The following MYT1 variants were observed in gnomAD, a reference collection of about 807,000 sequenced individuals.
The protein encoded by MYT1 is myelin transcription factor 1.
A neutral mutation model predicts 123.0 loss-of-function variants in MYT1; 23 were observed. The ratio of observed to expected loss-of-function variants is 0.19; its 90% CI spans 0.13 to 0.26. The LOEUF (loss-of-function observed/expected upper bound fraction) is 0.26. Among genes scored for constraint, MYT1 ranks in the 10% least tolerant of loss-of-function variants. MYT1 has a pLI of 1.00. For missense variants in MYT1, 1,125 were observed against 1,472.5 expected, an observed-to-expected ratio of 0.76 and a Z score of 3.86; for synonymous variants, 518 against 575.3, an observed-to-expected ratio of 0.90 and a Z score of 1.43.
At position 64,205,590 on chromosome 20, in the gene MYT1, G is replaced by C. The variant is rs1325615477; in HGVS notation, c.187G>C (p.Glu63Gln). ...CCCCCTGGCCAAGAAGAGGAAGCTG[G>C]AGGGCGCTGAGGCTGAGCACCTGGT... ...SCPLAKKRKL[E>Q]GAEAEHLVSK... The change falls in exon 6 of 23, where the codon GAG (glutamate) becomes CAG (glutamine). Residue 63 changes from glutamate to glutamine, a missense_variant. By Grantham distance (29) the Glu-to-Gln change is conservative (BLOSUM62 2). Coordinates refer to ENST00000328439, the MANE Select transcript of MYT1 (RefSeq NM_004535.3). 8.1e-6 allele frequency: 13 copies of C among 1,614,058 alleles called. No homozygotes were observed. The highest frequency in any genetic ancestry group is 1.1e-5 in the Non-Finnish European group (13 of 1,180,052).
rs1357276335 is a variant in MYT1, at chr20:64,193,434, C to T, written c.-1+3274C>T. ...AAATGCTTGAATGCTGCTCTTAGAT[C>T]GTTGAGTGGGAGCTTGGATCTTCCA... is the stretch of plus-strand genomic sequence containing the variant. On this transcript the variant is annotated intron_variant, in intron 2 of 22. Transcript: ENST00000328439. The surrounding 1 kb of genome is among the most constrained non-coding windows in gnomAD (Gnocchi z 4.0). Among the ~76,000 whole-genome samples, 3 of 152,152 alleles carry T rather than the reference C, an allele frequency of 2.0e-5. No individual in the cohort carries two copies. The highest frequency in any genetic ancestry group is 7.2e-5 in the African/African-American group (3 of 41,426).
chr20:64,217,339 AT>A, intron 11 of MYT1, 58 bp downstream of exon 11: 1 of 1,578,716 alleles, frequency 6.3e-7, no homozygotes, highest in Middle Eastern at 1.7e-4. Context: ...GAGGGGCAGG[AT>A]TCAAGGGGCA....
At chr20:64,223,875 T>TC (rs1177515999) in intron 16 of MYT1, among the ~76,000 whole-genome samples, 1 of 152,066 alleles carries the variant, frequency 6.6e-6, no homozygotes, top group African/African-American at 2.4e-5. Context: ...CCTGATGCCC[T>TC]CCCCCCATGC....
At chr20:64,181,475 G>C (rs1982650200) in intron 1 of MYT1, among the ~76,000 whole-genome samples, 1 of 151,948 alleles carries the variant, frequency 6.6e-6, no homozygotes, top group South Asian at 2.1e-4. Flanking sequence ...TTTTCATTTT[G>C]GTTTTACAAT....
In MYT1 at chr20:64,192,115, G is replaced by C. The variant is rs1982987433; in HGVS notation, c.-1+1955G>C. 6.6e-6 allele frequency among the ~76,000 whole-genome samples: 1 copy of C among 152,170 alleles called. No homozygotes were observed. The highest frequency in any genetic ancestry group is 2.4e-5 in the African/African-American group (1 of 41,444). ...ACTCAGAGAGTTTGGGACCTACCAT[G>C]ACAACCCATGGCTGTTCAAAGTGCT... On this transcript the variant is annotated intron_variant, in intron 2 of 22. Coordinates refer to ENST00000328439, the MANE Select transcript of MYT1 (RefSeq NM_004535.3). The surrounding 1 kb of genome is among the most constrained non-coding windows in gnomAD (Gnocchi z 5.3).
chr20:64,238,013 G>A (rs949667558), intron 21 of MYT1, among the ~76,000 whole-genome samples: 1 of 152,106 alleles, frequency 6.6e-6, no homozygotes. Flanking sequence ...AGTAAGTGCC[G>A]TCGATGAGAG....
Position 64,231,809 on chromosome 20 carries a change from C to T in MYT1, c.2676-355C>T, listed in dbSNP as rs1204009768. Among the ~76,000 whole-genome samples the T allele has an allele frequency of 7.2e-5, 11 of 152,200 alleles. No homozygotes were observed. Among genetic ancestry groups the T allele is most frequent in the Non-Finnish European group, 1.6e-4 (11 of 68,034 alleles). The stretch of plus-strand genomic sequence containing the variant: ...CAGCTGACAACATGGCTCCACATTG[C>T]TGAGTGACACACAAGTGACTCCAGC... On this transcript the variant is annotated intron_variant, in intron 18 of 22. Coordinates refer to ENST00000328439, the MANE Select transcript of MYT1 (RefSeq NM_004535.3). The surrounding 1 kb of genome is among the most constrained non-coding windows in gnomAD (Gnocchi z 6.4).
At chr20:64,172,206 C>T (rs1982305051) in intron 1 of MYT1, among the ~76,000 whole-genome samples, 1 of 152,138 alleles carries the variant, frequency 6.6e-6, no homozygotes, top group Non-Finnish European at 1.5e-5. Context: ...GCCTGTAGAG[C>T]AGCAGAGGGG....
chr20:64,214,401 A>C (rs928631129), intron 10 of MYT1, among the ~76,000 whole-genome samples: 1 of 152,210 alleles, frequency 6.6e-6, no homozygotes, highest in Admixed American at 6.5e-5. Context: ...GTGTGTGTGC[A>C]TGTGTAAATT....
At chr20:64,214,921 C>T (rs7271806) in intron 10 of MYT1, among the ~76,000 whole-genome samples, 36,260 of 152,212 alleles carry the variant, frequency 0.24, 4,505 homozygotes, top group African/African-American at 0.29. Context: ...TGGTCTGCTC[C>T]AGAGTGTTCC....
At chr20:64,178,712 G>C (rs75821602) in intron 1 of MYT1, among the ~76,000 whole-genome samples, 2 of 146,040 alleles carry the variant, frequency 1.4e-5, no homozygotes, top group African/African-American at 2.6e-5. Flanking sequence ...TTCAACGTGG[G>C]AGCACTGAGC....
chr20:64,185,988 A>G lies in MYT1; in HGVS notation c.-98-4075A>G, dbSNP rs1285315054. ...TGCAGTGCTGCTGAGTTGGAAAAAG[A>G]GGGCTTCATTAGGAGAAGACAGACG... On this transcript the variant is annotated intron_variant, in intron 1 of 22. Transcript: ENST00000328439. The surrounding 1 kb of genome is among the most constrained non-coding windows in gnomAD (Gnocchi z 4.5). Among the ~76,000 whole-genome samples, 2 of 152,154 alleles carry G rather than the reference A, an allele frequency of 1.3e-5. No individual in the cohort carries two copies. The highest frequency in any genetic ancestry group is 6.5e-5 in the Admixed American group (1 of 15,282).
intron 1 of MYT1, among the ~76,000 whole-genome samples, chr20:64,165,928 G>A (rs1003634330): frequency 3.3e-5 from 5 of 152,136 alleles, no homozygotes; most frequent in South Asian, 2.1e-4. Context: ...GACCTGGGGG[G>A]GCCCACTCGG....
chr20:64,205,592 G>A lies in MYT1; in HGVS notation c.189G>A (p.Glu63=). The change falls in exon 6 of 23, where the codon GAG becomes GAA. Residue 63 remains glutamate (E), a synonymous_variant. Coordinates refer to ENST00000328439, the MANE Select transcript of MYT1 (RefSeq NM_004535.3). ...SCPLAKKRKL[E]GAEAEHLVSK... is the part of the protein sequence containing the mutation. The stretch of plus-strand genomic sequence containing the variant: ...CCCTGGCCAAGAAGAGGAAGCTGGA[G>A]GGCGCTGAGGCTGAGCACCTGGTGT... 1.2e-6 allele frequency: 2 copies of A among 1,614,176 alleles called. No individual in the cohort carries two copies. The highest frequency in any genetic ancestry group is 8.5e-7 in the Non-Finnish European group (1 of 1,180,042).
At chr20:64,204,700 G>A (rs1983428446) in intron 4 of MYT1, among the ~76,000 whole-genome samples, 1 of 152,228 alleles carries the variant, frequency 6.6e-6, no homozygotes. Context: ...AGAGAGGGGT[G>A]CCGTGTTCAG....
intron 1 of MYT1, among the ~76,000 whole-genome samples, chr20:64,177,734 G>C (rs1360271415): frequency 6.7e-6 from 1 of 148,474 alleles, no homozygotes; most frequent in Non-Finnish European, 1.5e-5. Flanking sequence ...CTGGGGGCAG[G>C]GGCAAATGTG....
chr20:64,215,999 G>A (rs562318585), intron 10 of MYT1, among the ~76,000 whole-genome samples: 1 of 152,220 alleles, frequency 6.6e-6, no homozygotes, highest in East Asian at 1.9e-4. Context: ...ACCCTTCCTG[G>A]AGAAGGAGAA....
At chr20:64,225,081 C>T (rs2320358) in intron 16 of MYT1, among the ~76,000 whole-genome samples, 3 of 152,172 alleles carry the variant, frequency 2.0e-5, no homozygotes, top group East Asian at 3.9e-4. Flanking sequence ...CAGGCAGCCA[C>T]GGCCTCCAGG....
rs1166329537 is a variant in MYT1, at chr20:64,208,625, C to CA, written c.1291+139dup. On this transcript the variant is annotated intron_variant, in intron 7 of 22. Coordinates refer to ENST00000328439, the MANE Select transcript of MYT1 (RefSeq NM_004535.3). This position sits in a 1 kb window ranked among gnomAD's most constrained non-coding sequence, Gnocchi z 5.4. Reference sequence around the variant, plus strand: ...AGCAGACAAAAGGACAAATACATGACACAGACTGTGGTCAGATACTGAGCA... The same window carrying CA: ...AGCAGACAAAAGGACAAATACATGACAACAGACTGTGGTCAGATACTGAGCA... 7.9e-6 allele frequency: 11 copies of CA among 1,383,900 alleles called. No homozygotes were observed. The African/African-American group carries it at 1.5e-4, about 18-fold the overall frequency. 85.7% of individuals were successfully genotyped at this position (1,383,900 alleles called of 1,614,324 possible). A position where few individuals can be genotyped will look rare whatever the true frequency, so the allele number is the denominator to read the frequency against.
Sources: gnomAD v4.1 joint callset for allele counts (sites outside exome capture counted in the v4.1 genomes callset) on GRCh38, gnomAD v4.1.1 for gene constraint, Gnocchi (gnomAD v3.1) non-coding constraint, MANE v1.5 for transcripts, NCBI Gene and HGNC (gene_info 2026-07-23, HGNC 2026-07-21) for gene names.